Variants in ZNF16 observed in about 807,000 individuals in gnomAD.
The protein encoded by ZNF16 is zinc finger protein 16.
ZNF16 carries 7 observed loss-of-function variants against 9.0 expected under a neutral mutation model. The ratio of observed to expected loss-of-function variants is 0.78; its 90% confidence interval spans 0.44 to 1.47. ZNF16 has a LOEUF of 1.47. Among genes scored for constraint, ZNF16 ranks in the 40% most tolerant of loss-of-function variants. The pLI is 0.01. For missense variants in ZNF16, 830 were observed against 854.2 expected (o/e 0.97, Z 0.35); for synonymous variants, 312 against 301.5 (o/e 1.03, Z -0.36).
chr8:144,936,897 G>A (rs1290753119), intron 2 of ZNF16, among the ~76,000 whole-genome samples: 3 of 151,952 alleles, frequency 2.0e-5, no homozygotes, highest in Admixed American at 1.3e-4. Context: ...GTTTCATCAC[G>A]TTGGCCAGCA....
Position 144,935,601 on chromosome 8 carries a change from C to A in ZNF16, c.197-3011G>T, listed in dbSNP as rs547026245. Among the ~76,000 whole-genome samples the A allele has an allele frequency of 2.0e-5, 3 of 152,270 alleles. No homozygotes were observed. The South Asian group carries it at 6.2e-4, about 32-fold the overall frequency. ...CAGTTGCTTGCACTGTACTCTGACA[C>A]CCAATTGGAAAAAAGGACAAGGACT... On this transcript the variant is annotated intron_variant, in intron 2 of 2. Coordinates refer to ENST00000394909, the MANE Select transcript of ZNF16 (RefSeq NM_006958.3).
intron 1 of ZNF16, among the ~76,000 whole-genome samples, chr8:144,949,333 C>G (rs2130070265): frequency 6.6e-6 from 1 of 152,378 alleles, no homozygotes; most frequent in East Asian, 1.9e-4. Flanking sequence ...GCGAAACCCC[C>G]TTTCTCCCCC....
At chr8:144,947,334 C>T (rs80210953) in intron 1 of ZNF16, among the ~76,000 whole-genome samples, 27 of 135,966 alleles carry the variant, frequency 2.0e-4, no homozygotes, top group Admixed American at 7.5e-4. Context: ...CTGTATCCTG[C>T]TGTGGGCCTG....
At chr8:144,950,710 C>T (rs1423662271) in intron 1 of ZNF16, 87 bp downstream of exon 1, 1 of 152,000 alleles carries the variant, frequency 6.6e-6, no homozygotes, top group African/African-American at 2.4e-5. Context: ...CCGTCTGAGC[C>T]CTGAGAGGCC....
chr8:144,932,510 A>G lies in ZNF16; in HGVS notation c.277T>C (p.Ser93Pro), dbSNP rs1833581702. Residue 93 changes from serine (S) to proline (P), a missense_variant, in exon 3 of 3, where the codon TCA (serine) becomes CCA (proline). By Grantham distance (74) the Ser-to-Pro change is moderately conservative. Transcript: ENST00000394909. This position sits in a 1 kb window ranked among gnomAD's most constrained non-coding sequence, Gnocchi z 5.0. ...GAAACATCACCAGCATAGTTTTCTG[A>G]TATTTCTGCCTGTGATTCCAAATCT... The part of the protein sequence containing the change: ...HEDLESQAEI[S>P]ENYAGDVSQV... 5.6e-6 allele frequency: 9 copies of G among 1,614,180 alleles called. No homozygotes were observed. Among genetic ancestry groups the G allele is most frequent in the Non-Finnish European group, 6.8e-6 (8 of 1,180,028 alleles).
intron 1 of ZNF16, among the ~76,000 whole-genome samples, chr8:144,946,805 G>GT (rs1351040673): frequency 8.7e-6 from 1 of 114,550 alleles, no homozygotes; most frequent in African/African-American, 4.0e-5. Flanking sequence ...GTGTCCTGCT[G>GT]TGGGGCTGTG....
chr8:144,945,467 C>T (rs12546794), intron 2 of ZNF16: 34,268 of 152,138 alleles, frequency 0.23, 4,076 homozygotes, highest in East Asian at 0.34. Context: ...GAGATAGGGT[C>T]TTGCCATGTT....
chr8:144,931,933 C>A lies in ZNF16; in HGVS notation c.854G>T (p.Ser285Ile). ...ATAAGGCCTCTCACTGCTGTGGTGA[C>A]TCTGATGCCTAGAAAAGTCTGAGTG... ...RGHSDFSRHQ[S>I]HHSSERPYMC... The change falls in exon 3 of 3, where the codon AGT (serine) becomes ATT (isoleucine). Residue 285 changes from serine to isoleucine, a missense_variant. Coordinates refer to ENST00000394909, the MANE Select transcript of ZNF16 (RefSeq NM_006958.3). 1 of 1,613,542 alleles carries A rather than the reference C, an allele frequency of 6.2e-7. No homozygotes were observed.
chr8:144,946,923 C>CT (rs1833963026), intron 1 of ZNF16, among the ~76,000 whole-genome samples: 2 of 107,102 alleles, frequency 1.9e-5, no homozygotes, highest in African/African-American at 4.7e-5. Flanking sequence ...TGCTGTGGGC[C>CT]ATACCCTTCT....
intron 1 of ZNF16, among the ~76,000 whole-genome samples, chr8:144,950,102 G>A (rs572160155): frequency 3.9e-5 from 6 of 152,138 alleles, no homozygotes; most frequent in South Asian, 2.1e-4. Context: ...GAGATGTTTG[G>A]GTGGAGAGAA....
chr8:144,944,788 T>C (rs1833888550), intron 2 of ZNF16: 1 of 152,268 alleles, frequency 6.6e-6, no homozygotes, highest in Non-Finnish European at 1.5e-5. Flanking sequence ...GTTCATTTAG[T>C]GACTTTTCCA....
intron 2 of ZNF16, chr8:144,945,460 A>C (rs1833902612): frequency 6.6e-6 from 1 of 152,104 alleles, no homozygotes; most frequent in Admixed American, 6.6e-5. Context: ...TTTAGTAGAG[A>C]TAGGGTCTTG....
rs551017043 is a variant in ZNF16, at chr8:144,949,718, C to T, written c.-10+1079G>A. Among the ~76,000 whole-genome samples the T allele has an allele frequency of 2.0e-4, 31 of 152,314 alleles. No homozygotes were observed. In the East Asian group the frequency reaches 2.5e-3, roughly 12 times the overall value. Reference sequence around the variant, plus strand: ...CTTGGTAAAAGTCATCGCCATTCTCCAGTCTCAATAAACCAGGGGCACAAT... The same window carrying T: ...CTTGGTAAAAGTCATCGCCATTCTCTAGTCTCAATAAACCAGGGGCACAAT... On this transcript the variant is annotated intron_variant, in intron 1 of 2. Coordinates refer to ENST00000394909, the MANE Select transcript of ZNF16 (RefSeq NM_006958.3).
rs769737434 is a variant in ZNF16, at chr8:144,946,184, C to T, written c.23G>A (p.Arg8His). 3.3e-5 allele frequency: 51 copies of T among 1,531,330 alleles called. No homozygotes were observed. The African/African-American group carries it at 3.4e-4, about 10-fold the overall frequency. The allele number at this position is 1,531,330 out of a possible 1,614,324, so 94.9% of individuals were successfully genotyped here. A position where few individuals can be genotyped will look rare whatever the true frequency, so the allele number is the denominator to read the frequency against. Residue 8 changes from arginine (R) to histidine (H), a missense_variant, in exon 2 of 3, where the codon CGT becomes CAT. Coordinates refer to ENST00000394909, the MANE Select transcript of ZNF16 (RefSeq NM_006958.3). ...TGAGAGCTCCATCTCTGCCTCCTCA[C>T]GGCGAGTTCTGAGGCTGGGCATGAC... MPSLRTR[R>H]EEAEMELSVP... is the part of the protein sequence containing the mutation.
At chr8:144,936,671 T>C (rs1370256880) in intron 2 of ZNF16, among the ~76,000 whole-genome samples, 1 of 152,176 alleles carries the variant, frequency 6.6e-6, no homozygotes, top group East Asian at 1.9e-4. Flanking sequence ...TTGTTAGCCA[T>C]TCATATGTTT....
In ZNF16 at chr8:144,930,550, G is replaced by T; in HGVS notation, c.*188C>A. Reference sequence around the variant, plus strand: ...ACCCAAGACATCACAAGAGGCAAGAGCAGTGGCAGTGAGAAGGGAGCCTGT... The same window carrying T: ...ACCCAAGACATCACAAGAGGCAAGATCAGTGGCAGTGAGAAGGGAGCCTGT... On this transcript the variant is annotated 3_prime_UTR_variant, in exon 3 of 3. Coordinates refer to ENST00000394909, the MANE Select transcript of ZNF16 (RefSeq NM_006958.3). 1 of 595,310 alleles carries T rather than the reference G, an allele frequency of 1.7e-6. No individual in the cohort carries two copies. Among genetic ancestry groups the T allele is most frequent in the Non-Finnish European group, 2.8e-6 (1 of 357,286 alleles). 36.9% of individuals were successfully genotyped at this position (595,310 alleles called of 1,614,324 possible). A position where few individuals can be genotyped will look rare whatever the true frequency, so the allele number is the denominator to read the frequency against.
intron 2 of ZNF16, among the ~76,000 whole-genome samples, chr8:144,941,101 C>G (rs1833787119): frequency 6.6e-6 from 1 of 152,174 alleles, no homozygotes; most frequent in Non-Finnish European, 1.5e-5. Flanking sequence ...GGTTGTAACG[C>G]TGTTCAAATC....
In ZNF16 at chr8:144,932,338, T is replaced by TCCCCTAAGGGG; in HGVS notation, c.438_448dup (p.Glu150AlafsTer3). The TCCCCTAAGGGG allele has an allele frequency of 6.2e-7, 1 of 1,614,072 alleles. No individual in the cohort carries two copies. The highest frequency in any genetic ancestry group is 8.5e-7 in the Non-Finnish European group (1 of 1,180,026). Reference sequence around the variant, plus strand: ...AAAACCATTACAGTCCAGATCTTTCTCCCCTAAGGGGCCCCTAAGGAGCCC... The same window carrying TCCCCTAAGGGG: ...AAAACCATTACAGTCCAGATCTTTCTCCCCTAAGGGGCCCCTAAGGGGCCCCTAAGGAGCCC... On this transcript the variant is annotated stop_gained and frameshift_variant, in exon 3 of 3. Transcript: ENST00000394909. LOFTEE classifies it low-confidence loss of function (END_TRUNC). The surrounding 1 kb of genome is among the most constrained non-coding windows in gnomAD (Gnocchi z 5.0).
intron 2 of ZNF16, chr8:144,945,673 C>T: frequency 4.6e-6 from 1 of 219,262 alleles, no homozygotes; most frequent in Non-Finnish European, 9.1e-6. Context: ...CAGTACAAAG[C>T]CCTGGACCAG....
Sources: allele counts gnomAD v4.1 joint callset (sites outside exome capture counted in the v4.1 genomes callset), GRCh38; gene constraint gnomAD v4.1.1; non-coding constraint Gnocchi (gnomAD v3.1); transcripts MANE v1.5; gene names NCBI Gene and HGNC (gene_info 2026-07-23, HGNC 2026-07-21).